The following DNAH3 variants were observed in gnomAD, a reference collection of about 807,000 sequenced individuals.
DNAH3 encodes the protein axonemal beta dynein heavy chain 3.
Under a neutral mutation model 432.5 loss-of-function variants are expected in DNAH3, and 332 were observed. The observed-to-expected ratio is 0.77, with a 90% CI of 0.70 to 0.84. The LOEUF (loss-of-function observed/expected upper bound fraction) is 0.84, where lower values mean the gene tolerates loss of function less well. Ranked by LOEUF, DNAH3 falls within the 40% of genes least tolerant of loss-of-function variation. The pLI is 0.00. For missense variants in DNAH3, 4,861 were observed against 5,114.0 expected (o/e 0.95, Z 1.51); for synonymous variants, 1,956 against 1,900.2 (o/e 1.03, Z -0.76).
chr16:20,992,882 T>C lies in DNAH3; in HGVS notation c.6601+4401A>G, dbSNP rs576570332. Among the ~76,000 whole-genome samples the C allele has an allele frequency of 8.5e-5, 13 of 152,332 alleles. No homozygotes were observed. In the South Asian group the frequency reaches 2.7e-3, roughly 32 times the overall value. On this transcript the variant is annotated intron_variant, in intron 44 of 61. Transcript: ENST00000261383. ...TTAGTTTTTGTTGTTGATTCATTCG[T>C]TGAGACAGAGTCTCACTTTGTTGCC...
At chr16:21,014,856 A>G (rs2087782424) in intron 41 of DNAH3, among the ~76,000 whole-genome samples, 1 of 152,172 alleles carries the variant, frequency 6.6e-6, no homozygotes, top group Non-Finnish European at 1.5e-5. Flanking sequence ...AAAAGAAGGA[A>G]CTACTTAGGT....
chr16:21,120,814 G>A (rs985810507), exon 11 of DNAH3: 2 of 1,614,008 alleles, frequency 1.2e-6, no homozygotes, highest in Non-Finnish European at 1.7e-6. Flanking sequence ...CCGATCAGCA[G>A]CAGCAGCAGT....
intron 5 of DNAH3, 81 bp downstream of exon 6, chr16:21,140,455 T>C: frequency 2.1e-6 from 3 of 1,420,452 alleles, no homozygotes; most frequent in Non-Finnish European, 2.9e-6. Context: ...GTGATTCTGC[T>C]GTTCTCCCTG....
At chr16:21,137,261 TAAAA>T (rs60457553) in intron 5 of DNAH3, among the ~76,000 whole-genome samples, 1 of 117,026 alleles carries the variant, frequency 8.5e-6, no homozygotes, top group Non-Finnish European at 1.8e-5. Context: ...GATTTCTGTC[TAAAA>T]AAAAAAAAAA....
intron 51 of DNAH3, among the ~76,000 whole-genome samples, chr16:20,970,471 C>T (rs2085287927): frequency 6.6e-6 from 1 of 152,172 alleles, no homozygotes; most frequent in Admixed American, 6.5e-5. Flanking sequence ...TTGCAGTGAG[C>T]TGAGATTTTG....
At chr16:21,067,886 A>G (rs1192640052) in intron 23 of DNAH3, among the ~76,000 whole-genome samples, 1 of 151,472 alleles carries the variant, frequency 6.6e-6, no homozygotes, top group Non-Finnish European at 1.5e-5. Context: ...TGGGTTCTAG[A>G]TCCATCTTTT....
chr16:21,141,271 C>A (rs1334969500), intron 4 of DNAH3, 29 bp downstream of exon 5: 32 of 1,539,664 alleles, frequency 2.1e-5, no homozygotes, highest in South Asian at 7.0e-5. Context: ...ACCGTCCTGC[C>A]TTCTCTGGTG....
rs757427875 is a variant in DNAH3 at position 20,985,238 on chromosome 16, C to T, written c.7504G>A (p.Val2502Met). Residue 2502 changes from valine (V) to methionine (M), a missense_variant, in exon 48 of 62, where the codon GTG becomes ATG. By Grantham distance (21) the Val-to-Met change is conservative (BLOSUM62 1). Transcript: ENST00000261383. Reference sequence around the variant, plus strand: ...TTCAGAAGCATGTTGATGTCCTCCACGAATGATTCATCCTTGATCTGGTTG... The same window carrying T: ...TTCAGAAGCATGTTGATGTCCTCCATGAATGATTCATCCTTGATCTGGTTG... The T allele has an allele frequency of 3.8e-5, 61 of 1,614,040 alleles. 1 individual carries two copies. In the South Asian group the frequency reaches 4.3e-4, roughly 11 times the overall value.
chr16:21,055,352 G>A (rs751452489), intron 27 of DNAH3, among the ~76,000 whole-genome samples: 1 of 151,972 alleles, frequency 6.6e-6, no homozygotes, highest in African/African-American at 2.4e-5. Context: ...CACCACGCCC[G>A]GCCTGTCATT....
At chr16:20,935,296 A>G (rs1372481092) in intron 61 of DNAH3, 52 bp downstream of exon 61, 25 of 1,601,194 alleles carry the variant, frequency 1.6e-5, no homozygotes, top group Non-Finnish European at 2.0e-5. Context: ...AATTGGCAAC[A>G]TTGCTTTCTC....
At chr16:21,096,127 G>A (rs1405932574) in intron 18 of DNAH3, among the ~76,000 whole-genome samples, 1 of 141,798 alleles carries the variant, frequency 7.1e-6, no homozygotes, top group Admixed American at 7.4e-5. Flanking sequence ...AAACCTAAGG[G>A]TCTCTGATTT....
intron 37 of DNAH3, 78 bp downstream of exon 37, chr16:21,030,967 A>T (rs1239375889): frequency 7.0e-7 from 1 of 1,430,710 alleles, no homozygotes; most frequent in African/African-American, 1.4e-5. Context: ...GTCTCTATAT[A>T]GTTTTGATCA....
chr16:21,112,464 A>C (rs2092098072), intron 12 of DNAH3, among the ~76,000 whole-genome samples: 2 of 152,136 alleles, frequency 1.3e-5, no homozygotes, highest in South Asian at 4.1e-4. Context: ...TGGGAGGCAA[A>C]AGACACGTCT....
chr16:20,987,284 TG>T lies in DNAH3; in HGVS notation c.7026+20del. The T allele has an allele frequency of 6.2e-7, 1 of 1,612,380 alleles. No individual in the cohort carries two copies. The highest frequency in any genetic ancestry group is 1.1e-5 in the South Asian group (1 of 90,494). On this transcript the variant is annotated intron_variant, in intron 47 of 61. Coordinates refer to ENST00000261383, the Ensembl canonical transcript of DNAH3. ...ACTTGGAACCATTTCTGAGGTCAAA[TG>T]ATCACAGAATCTGGTTTACCTTCTC...
chr16:21,050,336 T>C (rs755338511), intron 29 of DNAH3, among the ~76,000 whole-genome samples: 2 of 152,216 alleles, frequency 1.3e-5, no homozygotes, highest in Non-Finnish European at 2.9e-5. Flanking sequence ...TGCATACCTA[T>C]ATAAATGAAT....
chr16:20,967,845 G>C (rs2085134108), intron 52 of DNAH3, among the ~76,000 whole-genome samples: 1 of 151,790 alleles, frequency 6.6e-6, no homozygotes, highest in African/African-American at 2.4e-5. Flanking sequence ...GTGATTCTAG[G>C]GTGCAGCCAG....
In DNAH3 at chr16:21,042,138, T is replaced by TA; in HGVS notation, c.4526dup (p.Thr1511AspfsTer5). ...CAGTCCCTTCAAAGATGAATGTCTTTAGCTTCCGAATGATGGCTTGTTGGA... is the reference window on the plus strand; with the variant it reads ...CAGTCCCTTCAAAGATGAATGTCTTTAAGCTTCCGAATGATGGCTTGTTGGA... On this transcript the variant is annotated frameshift_variant, in exon 32 of 62. Coordinates refer to ENST00000261383, the Ensembl canonical transcript of DNAH3. LOFTEE classifies it high-confidence loss of function. 2.5e-6 allele frequency: 4 copies of TA among 1,613,532 alleles called. No individual in the cohort carries two copies. The highest frequency in any genetic ancestry group is 1.7e-5 in the Admixed American group (1 of 59,852).
At position 21,134,476 on chromosome 16, in the gene DNAH3, A is replaced by C. The variant is rs747164083; in HGVS notation, c.887-22T>G. The C allele has an allele frequency of 1.2e-5, 19 of 1,605,968 alleles. 1 individual carries two copies. In the South Asian group the frequency reaches 2.1e-4, roughly 18 times the overall value. ...TCAACTACAACCGGAAAGGGCGAAC[A>C]CCTCATTATTAAGCTCTAAGGGTTG... is the stretch of plus-strand genomic sequence containing the variant. On this transcript the variant is annotated intron_variant, in intron 6 of 61. Transcript: ENST00000261383.
At chr16:21,066,676 A>C (rs1226882417) in intron 24 of DNAH3, among the ~76,000 whole-genome samples, 1 of 152,168 alleles carries the variant, frequency 6.6e-6, no homozygotes, top group Non-Finnish European at 1.5e-5. Flanking sequence ...GCCTGGAACT[A>C]ACCTAAAACT....
Sources: allele counts gnomAD v4.1 joint callset (sites outside exome capture counted in the v4.1 genomes callset), GRCh38; gene constraint gnomAD v4.1.1; transcripts MANE v1.5; gene names NCBI Gene and HGNC (gene_info 2026-07-23, HGNC 2026-07-21).